RUFY1: variants seen among roughly 807,000 people sequenced by gnomAD.
RUFY1 encodes RUN and FYVE domain containing 1, also known as RUN and FYVE domain-containing protein 1.
Under a neutral mutation model 94.6 loss-of-function variants are expected in RUFY1, and 54 were observed. The observed-to-expected ratio is 0.57, with a 90% CI of 0.46 to 0.72. The LOEUF (loss-of-function observed/expected upper bound fraction) is 0.72. Among genes scored for constraint, RUFY1 ranks in the 30% least tolerant of loss-of-function variants. RUFY1 has a pLI of 0.00. For synonymous variants in RUFY1, 396 were observed against 347.3 expected (o/e 1.14, Z -1.56); for missense variants, 883 against 883.9 (o/e 1.00, Z 0.01).
chr5:179,607,582 G>C lies in RUFY1; in HGVS notation c.1906G>C (p.Gly636Arg). ...TTCTAGAATGTCCTTTCCTCTTCAG[G>C]GCCACGCCTGGCTGAAAGATGACGA... The part of the protein sequence containing the change: ...DIKEVNQALK[G>R]HAWLKDDEAT... Residue 636 changes from glycine (G) to arginine (R), a missense_variant and splice_region_variant, in exon 17 of 18, where the codon GGC (glycine) becomes CGC (arginine). Physicochemically the swap from Gly to Arg is moderately radical, Grantham distance 125. Transcript: ENST00000319449. 6.2e-7 allele frequency: 1 copy of C among 1,614,164 alleles called. No homozygotes were observed. The highest frequency in any genetic ancestry group is 2.2e-5 in the East Asian group (1 of 44,886).
chr5:179,594,483 C>T (rs547690785), intron 11 of RUFY1, among the ~76,000 whole-genome samples: 33 of 149,194 alleles, frequency 2.2e-4, no homozygotes, highest in Non-Finnish European at 3.3e-4. Flanking sequence ...GCATCTAGTC[C>T]GGGCGTGGTG....
At chr5:179,603,349 G>A (rs1334492331) in intron 15 of RUFY1, among the ~76,000 whole-genome samples, 1 of 151,622 alleles carries the variant, frequency 6.6e-6, no homozygotes, top group Non-Finnish European at 1.5e-5. Flanking sequence ...GCAGGTGCTG[G>A]CCACTCGCCG....
Position 179,567,448 on chromosome 5 carries a change from G to T in RUFY1, c.603-13G>T, listed in dbSNP as rs768710155. The stretch of plus-strand genomic sequence containing the variant: ...GTTATGCCACAATAGTTGATTCTCT[G>T]TTTGAATTCTAGGACAGCTGTGGGA... On this transcript the variant is annotated splice_polypyrimidine_tract_variant and intron_variant, in intron 3 of 17. Transcript: ENST00000319449. 5 of 1,602,420 alleles carry T rather than the reference G, an allele frequency of 3.1e-6. No homozygotes were observed. The East Asian group carries it at 1.1e-4, about 36-fold the overall frequency.
At position 179,607,652 on chromosome 5, in the gene RUFY1, G is replaced by T; in HGVS notation, c.1976G>T (p.Arg659Leu). 2.5e-6 allele frequency: 4 copies of T among 1,613,948 alleles called. No individual in the cohort carries two copies. The highest frequency in any genetic ancestry group is 3.4e-6 in the Non-Finnish European group (4 of 1,179,844). Residue 659 changes from arginine to leucine, a missense_variant, in exon 17 of 18, where the codon CGG (arginine) becomes CTG (leucine). Transcript: ENST00000319449. ...RQCEKEFSISRRKHHCRNCGH... is the reference protein window; with the variant it reads ...RQCEKEFSISLRKHHCRNCGH... ...TGTGAGAAGGAGTTCTCCATTTCCC[G>T]GAGAAAGGTACGTGGGGGCTCCACC...
chr5:179,552,651 G>A (rs966161556), intron 1 of RUFY1, among the ~76,000 whole-genome samples: 3 of 152,112 alleles, frequency 2.0e-5, no homozygotes, highest in Admixed American at 6.5e-5. Context: ...AAGGCATGGC[G>A]TCTCCTGGAG....
Position 179,560,049 on chromosome 5 carries a change from AGCG to A in RUFY1, c.336_338del (p.Glu112_Arg113delinsAsp), listed in dbSNP as rs1762322859. The A allele has an allele frequency of 6.2e-7, 1 of 1,613,728 alleles. No individual in the cohort carries two copies. The highest frequency in any genetic ancestry group is 1.3e-5 in the African/African-American group (1 of 74,914). On this transcript the variant is annotated inframe_deletion, in exon 2 of 18. Coordinates refer to ENST00000319449, the MANE Select transcript of RUFY1 (RefSeq NM_025158.5). ...GCTTCTAAGTGCCAGATGATGGAGG[AGCG>A]TGCCAACCTGATGCACATGATGAAA...
chr5:179,585,866 G>A lies in RUFY1; in HGVS notation c.1026+1G>A. 6.2e-7 allele frequency: 1 copy of A among 1,611,354 alleles called. No individual in the cohort carries two copies. Among genetic ancestry groups the A allele is most frequent in the Non-Finnish European group, 8.5e-7 (1 of 1,177,476 alleles). On this transcript the variant is annotated splice_donor_variant, in intron 8 of 17. Transcript: ENST00000319449. LOFTEE classifies it high-confidence loss of function. ...GACTAACTCAAAGCTTCAAGAAGAGGTTTGTAAGTTTTATTGAAATTTTTA... is the reference window on the plus strand; with the variant it reads ...GACTAACTCAAAGCTTCAAGAAGAGATTTGTAAGTTTTATTGAAATTTTTA...
intron 8 of RUFY1, among the ~76,000 whole-genome samples, chr5:179,587,496 A>T (rs1344655687): frequency 7.1e-6 from 1 of 141,820 alleles, no homozygotes; most frequent in African/African-American, 2.7e-5. Flanking sequence ...GGTTCACGCC[A>T]TTCTCCTGCC....
chr5:179,560,310 G>A, intron 2 of RUFY1, 112 bp downstream of exon 2: 1 of 1,333,408 alleles, frequency 7.5e-7, no homozygotes, highest in Non-Finnish European at 1.0e-6. Context: ...GCAGTGTACA[G>A]AACAGGCAAG....
At chr5:179,602,008 T>G (rs369463562) in intron 15 of RUFY1, 22 bp downstream of exon 15, 20 of 1,574,146 alleles carry the variant, frequency 1.3e-5, no homozygotes, top group Non-Finnish European at 7.9e-6. Flanking sequence ...ACTCCCCTTG[T>G]CTGCCACTGC....
chr5:179,591,271 GC>G (rs1319171433), intron 9 of RUFY1, among the ~76,000 whole-genome samples: 1 of 151,426 alleles, frequency 6.6e-6, no homozygotes, highest in Non-Finnish European at 1.5e-5. Flanking sequence ...TGCAAGCTCT[GC>G]CTCCCGGGTT....
chr5:179,601,810 C>T lies in RUFY1; in HGVS notation c.1762-82C>T, dbSNP rs573360057. ...CTCCAGCCTGGCAACAGAGCAAGAC[C>T]CTGTCTCAAAAAAAAAAAAAAAAAA... On this transcript the variant is annotated intron_variant, in intron 14 of 17. Transcript: ENST00000319449. The T allele has an allele frequency of 2.1e-3, 2,135 of 1,027,232 alleles. 30 individuals are homozygous for T. The African/African-American group carries it at 0.025, about 12-fold the overall frequency. 63.6% of individuals were successfully genotyped at this position (1,027,232 alleles called of 1,614,324 possible).
chr5:179,589,427 A>G, intron 8 of RUFY1, 119 bp from the exon 9 acceptor site: 1 of 671,218 alleles, frequency 1.5e-6, no homozygotes, highest in Non-Finnish European at 2.6e-6. Context: ...AAACAAGGAA[A>G]TAAAATATCA....
intron 14 of RUFY1, 74 bp downstream of exon 14, chr5:179,598,895 C>A (rs1482831807): frequency 6.4e-6 from 10 of 1,559,648 alleles, no homozygotes; most frequent in Non-Finnish European, 8.8e-6. Flanking sequence ...CGGGCAGGCT[C>A]CTCTCCCCGC....
chr5:179,605,235 C>A (rs1766935661), intron 15 of RUFY1, among the ~76,000 whole-genome samples: 1 of 148,786 alleles, frequency 6.7e-6, no homozygotes, highest in African/African-American at 2.5e-5. Flanking sequence ...GCCATGATTG[C>A]ACCACTGCAT....
chr5:179,583,962 A>G (rs570229957), intron 7 of RUFY1, among the ~76,000 whole-genome samples: 2 of 151,000 alleles, frequency 1.3e-5, no homozygotes, highest in East Asian at 2.0e-4. Context: ...GTTAGCCAGG[A>G]TGGTCTCGAT....
Position 179,569,236 on chromosome 5 carries a change from G to A in RUFY1, c.705-66G>A. On this transcript the variant is annotated intron_variant, in intron 4 of 17. Coordinates refer to ENST00000319449, the MANE Select transcript of RUFY1 (RefSeq NM_025158.5). ...GGCACAGGTGAAAAGGCAGTTCAGG[G>A]TGGGGAAGGAGTGGGGATGGTGAAG... is the stretch of plus-strand genomic sequence containing the variant. The A allele has an allele frequency of 3.7e-6, 6 of 1,610,836 alleles. No homozygotes were observed. The South Asian group carries it at 5.5e-5, about 15-fold the overall frequency.
At chr5:179,609,266 CAT>C in intron 17 of RUFY1, 108 bp from the exon 18 acceptor site, 1 of 1,049,890 alleles carries the variant, frequency 9.5e-7, no homozygotes, top group Non-Finnish European at 1.4e-6. Flanking sequence ...CCCACAGAAA[CAT>C]AAGAACCCAT....
intron 8 of RUFY1, among the ~76,000 whole-genome samples, chr5:179,588,125 C>T (rs1382075810): frequency 6.6e-6 from 1 of 152,186 alleles, no homozygotes; most frequent in Non-Finnish European, 1.5e-5. Flanking sequence ...GGGCAAGTAA[C>T]ACGCCCTTTC....
Sources: allele counts gnomAD v4.1 joint callset (sites outside exome capture counted in the v4.1 genomes callset), GRCh38; gene constraint gnomAD v4.1.1; transcripts MANE v1.5; gene names NCBI Gene and HGNC (gene_info 2026-07-23, HGNC 2026-07-21).